CSPP1: variants seen among roughly 807,000 people sequenced by gnomAD.
The protein encoded by CSPP1 is centrosome and spindle pole-associated protein 1.
CSPP1 carries 126 observed loss-of-function variants against 164.4 expected under a neutral mutation model. The observed-to-expected ratio is 0.77, with a 90% CI of 0.66 to 0.89. CSPP1 has a LOEUF of 0.89. CSPP1 is among the 40% of genes least tolerant of loss of function. CSPP1 has a pLI of 0.00. For synonymous variants in CSPP1, 472 were observed against 476.7 expected, an observed-to-expected ratio of 0.99 and a Z score of 0.13; for missense variants, 1,395 against 1,449.8, an observed-to-expected ratio of 0.96 and a Z score of 0.61.
In CSPP1 at chr8:67,095,470, G is replaced by A; in HGVS notation, c.661G>A (p.Asp221Asn). Residue 221 changes from aspartate to asparagine, a missense_variant, in exon 7 of 31, where the codon GAT becomes AAT. Transcript: ENST00000678616. Reference protein sequence around the residue: ...RLEEDRYRQLDDEIELRNRRI... With the variant: ...RLEEDRYRQLNDEIELRNRRI... ...AGAGGAGGACAGATACCGACAACTA[G>A]ATGATGAAATCGAATTAAGGAATAG... 1 of 1,613,412 alleles carries A rather than the reference G, an allele frequency of 6.2e-7. No individual in the cohort carries two copies. Among genetic ancestry groups the A allele is most frequent in the Non-Finnish European group, 8.5e-7 (1 of 1,179,894 alleles).
intron 24 of CSPP1, among the ~76,000 whole-genome samples, chr8:67,166,841 C>T (rs1829413317): frequency 6.6e-6 from 1 of 151,720 alleles, no homozygotes; most frequent in African/African-American, 2.4e-5. Flanking sequence ...GAACACAGGT[C>T]TCTGGTTTTC....
Position 67,148,940 on chromosome 8 carries a change from T to A in CSPP1, c.1976-843T>A, listed in dbSNP as rs189514732. 1.9e-3 allele frequency among the ~76,000 whole-genome samples: 285 copies of A among 152,344 alleles called. 4 individuals are homozygous for A. Among genetic ancestry groups the A allele is most frequent in the African/African-American group, 6.6e-3 (274 of 41,594 alleles). Reference sequence around the variant, plus strand: ...TTGGTGTTTTAGCATGATAAACAGTTATTATCTTGCGGTTCTGAGGGTTAG... The same window carrying A: ...TTGGTGTTTTAGCATGATAAACAGTAATTATCTTGCGGTTCTGAGGGTTAG... On this transcript the variant is annotated intron_variant, in intron 17 of 30. Transcript: ENST00000678616.
At chr8:67,066,423 T>C (rs549449805) in intron 1 of CSPP1, among the ~76,000 whole-genome samples, 2 of 152,198 alleles carry the variant, frequency 1.3e-5, no homozygotes, top group South Asian at 2.1e-4. Context: ...GCTCTTTCAC[T>C]GGCCCCTCCC....
At chr8:67,082,393 A>G (rs1216234796) in intron 3 of CSPP1, among the ~76,000 whole-genome samples, 3 of 152,298 alleles carry the variant, frequency 2.0e-5, no homozygotes, top group South Asian at 4.1e-4. Context: ...GGTTTATCCT[A>G]TTGTAAACTA....
intron 1 of CSPP1, 39 bp downstream of exon 1, chr8:67,064,577 C>G (rs1585742708): frequency 2.7e-6 from 4 of 1,460,358 alleles, no homozygotes; most frequent in African/African-American, 2.8e-5. Context: ...GTGGAGGGTC[C>G]TGGGGCTGCA....
intron 18 of CSPP1, among the ~76,000 whole-genome samples, chr8:67,152,936 G>C (rs199576765): frequency 6.6e-6 from 1 of 152,120 alleles, no homozygotes; most frequent in African/African-American, 2.4e-5. Context: ...GCTGGCTCAC[G>C]CCTGTAATCC....
At chr8:67,121,724 G>A (rs1819014432) in intron 15 of CSPP1, among the ~76,000 whole-genome samples, 2 of 152,182 alleles carry the variant, frequency 1.3e-5, no homozygotes, top group Non-Finnish European at 2.9e-5. Context: ...AAAGTTTGAG[G>A]ATTTATATTA....
intron 16 of CSPP1, among the ~76,000 whole-genome samples, chr8:67,132,559 GGAAGA>G (rs1193864516): frequency 2.6e-5 from 4 of 152,190 alleles, no homozygotes; most frequent in Non-Finnish European, 5.9e-5. Context: ...TGGACAATTG[GGAAGA>G]GATTGGCAGA....
intron 3 of CSPP1, among the ~76,000 whole-genome samples, chr8:67,077,960 A>G (rs1808309015): frequency 6.6e-6 from 1 of 152,214 alleles, no homozygotes; most frequent in Admixed American, 6.5e-5. Flanking sequence ...GCATTAGTGA[A>G]CTAAAGTATT....
At chr8:67,186,289 A>G (rs1021455714) in intron 28 of CSPP1, among the ~76,000 whole-genome samples, 12 of 151,928 alleles carry the variant, frequency 7.9e-5, no homozygotes, top group East Asian at 1.9e-4. Flanking sequence ...TAAAGATGCA[A>G]CTCCACCCTT....
intron 15 of CSPP1, among the ~76,000 whole-genome samples, chr8:67,128,719 C>G (rs527677892): frequency 2.0e-5 from 3 of 152,180 alleles, no homozygotes; most frequent in African/African-American, 4.8e-5. Context: ...AGCACAGACA[C>G]AAGGATCCTA....
chr8:67,128,539 CAA>C (rs111984957), intron 15 of CSPP1, among the ~76,000 whole-genome samples: 28 of 74,148 alleles, frequency 3.8e-4, no homozygotes, highest in East Asian at 4.8e-4. Flanking sequence ...GACTCCATCT[CAA>C]AAAAAAAAAA....
At chr8:67,131,020 A>G (rs1323272376) in intron 15 of CSPP1, among the ~76,000 whole-genome samples, 2 of 152,104 alleles carry the variant, frequency 1.3e-5, no homozygotes, top group Middle Eastern at 3.2e-3. Context: ...TTATAAAATC[A>G]GTATTTGAAT....
At position 67,190,633 on chromosome 8, in the gene CSPP1, T is replaced by C. The variant is rs751599142; in HGVS notation, c.3221-17T>C. The C allele has an allele frequency of 1.9e-6, 3 of 1,594,220 alleles. No individual in the cohort carries two copies. Among genetic ancestry groups the C allele is most frequent in the East Asian group, 4.5e-5 (2 of 44,774 alleles). ...AAGCAGTATTAAGACTCCTTCTGCT[T>C]TTCGGGGTCCTCTTAGGGGCTTACG... On this transcript the variant is annotated splice_polypyrimidine_tract_variant and intron_variant, in intron 28 of 30. Coordinates refer to ENST00000678616, the MANE Select transcript of CSPP1 (RefSeq NM_001382391.1).
At chr8:67,192,343 A>G (rs1836577912) in intron 29 of CSPP1, among the ~76,000 whole-genome samples, 1 of 152,094 alleles carries the variant, frequency 6.6e-6, no homozygotes, top group Non-Finnish European at 1.5e-5. Context: ...CCAGAGTGCT[A>G]GGATTACAGG....
intron 7 of CSPP1, among the ~76,000 whole-genome samples, chr8:67,098,551 A>AC (rs1194003151): frequency 6.6e-6 from 1 of 151,832 alleles, no homozygotes; most frequent in Non-Finnish European, 1.5e-5. Context: ...GGTGGTTAAC[A>AC]CTGTAATTGA....
At chr8:67,096,123 A>G (rs1421386896) in intron 7 of CSPP1, among the ~76,000 whole-genome samples, 1 of 152,252 alleles carries the variant, frequency 6.6e-6, no homozygotes, top group Non-Finnish European at 1.5e-5. Flanking sequence ...ATTCAAGTTC[A>G]CAGTCCGAAT....
intron 16 of CSPP1, among the ~76,000 whole-genome samples, chr8:67,136,508 G>A (rs1822301837): frequency 7.0e-6 from 1 of 143,612 alleles, no homozygotes; most frequent in Non-Finnish European, 1.5e-5. Context: ...GGCGGAGCTT[G>A]CAGTGAGCTG....
intron 19 of CSPP1, 140 bp downstream of exon 19, chr8:67,154,276 T>C: frequency 1.9e-6 from 1 of 536,532 alleles, no homozygotes; most frequent in Non-Finnish European, 3.3e-6. Context: ...AGATCAGATA[T>C]CAGTAGTACA....
Sources: gnomAD v4.1 joint callset for allele counts (sites outside exome capture counted in the v4.1 genomes callset) on GRCh38, gnomAD v4.1.1 for gene constraint, MANE v1.5 for transcripts, NCBI Gene and HGNC (gene_info 2026-07-23, HGNC 2026-07-21) for gene names.